CSMD1: variants seen among roughly 807,000 people sequenced by gnomAD.
CSMD1 encodes the protein CUB and Sushi multiple domains 1, also known as CUB and sushi domain-containing protein 1.
CSMD1 carries 213 observed loss-of-function variants against 417.5 expected under a neutral mutation model. The ratio of observed to expected loss-of-function variants is 0.51; its 90% CI spans 0.46 to 0.57. The LOEUF is 0.57. Ranked by LOEUF, CSMD1 falls within the 20% of genes least tolerant of loss-of-function variation. The probability of loss-of-function intolerance (pLI) is 0.00; values close to 1 mark genes in which losing one functional copy is unlikely to be tolerated. For synonymous variants in CSMD1, 2,862 were observed against 1,736.8 expected (o/e 1.65, Z -16.11); for missense variants, 6,923 against 4,529.7 (o/e 1.53, Z -15.17).
intron 10 of CSMD1, among the ~76,000 whole-genome samples, chr8:3,526,502 C>T (rs1038953038): frequency 2.0e-5 from 3 of 152,134 alleles, no homozygotes; most frequent in African/African-American, 7.2e-5. Flanking sequence ...GACCAAGCAT[C>T]CTACATAAAA....
intron 36 of CSMD1, among the ~76,000 whole-genome samples, chr8:3,182,224 CACTT>C (rs1821379040): frequency 1.3e-5 from 2 of 152,088 alleles, no homozygotes; most frequent in African/African-American, 4.8e-5. Context: ...CTTAGCTCAC[CACTT>C]AAACTATCCA....
chr8:4,879,454 T>G (rs550612624), intron 1 of CSMD1, among the ~76,000 whole-genome samples: 9 of 152,180 alleles, frequency 5.9e-5, no homozygotes, highest in South Asian at 2.1e-4. Context: ...ATCGGGAAGA[T>G]ATTTTAGGAG....
At chr8:4,929,516 T>C (rs186011968) in intron 1 of CSMD1, among the ~76,000 whole-genome samples, 32 of 152,278 alleles carry the variant, frequency 2.1e-4, no homozygotes, top group Middle Eastern at 3.4e-3. Flanking sequence ...ACTCCTGTCT[T>C]GATATTTCAG....
intron 2 of CSMD1, among the ~76,000 whole-genome samples, chr8:4,551,890 G>A (rs917844702): frequency 1.4e-5 from 2 of 144,854 alleles, no homozygotes; most frequent in African/African-American, 2.6e-5. Context: ...GTATCACCAT[G>A]TTGCTCAGGC....
chr8:4,586,981 C>G (rs146225311), intron 2 of CSMD1, among the ~76,000 whole-genome samples: 1 of 152,076 alleles, frequency 6.6e-6, no homozygotes, highest in African/African-American at 2.4e-5. Flanking sequence ...TATATAAGAG[C>G]GCCTAAAAAG....
chr8:4,730,359 T>C (rs890217853), intron 1 of CSMD1, among the ~76,000 whole-genome samples: 3 of 152,122 alleles, frequency 2.0e-5, no homozygotes, highest in South Asian at 2.1e-4. Context: ...CCTTGAAAGA[T>C]GAAAACATAT....
intron 1 of CSMD1, among the ~76,000 whole-genome samples, chr8:4,952,833 T>C (rs992432276): frequency 3.9e-5 from 6 of 152,168 alleles, no homozygotes; most frequent in Non-Finnish European, 5.9e-5. Flanking sequence ...TTTTAATAAC[T>C]CTGACTATAT....
intron 1 of CSMD1, among the ~76,000 whole-genome samples, chr8:4,992,476 T>A (rs1250275197): frequency 6.6e-6 from 1 of 151,920 alleles, no homozygotes; most frequent in Non-Finnish European, 1.5e-5. Flanking sequence ...AGGCTTGGAG[T>A]GCAGGGGAAA....
intron 6 of CSMD1, among the ~76,000 whole-genome samples, chr8:3,708,726 A>C (rs1450639375): frequency 6.6e-6 from 1 of 152,196 alleles, no homozygotes; most frequent in African/African-American, 2.4e-5. Flanking sequence ...AGCTAAAAAT[A>C]ATACGTGCTG....
At chr8:3,610,878 G>T (rs930984534) in intron 8 of CSMD1, among the ~76,000 whole-genome samples, 2 of 151,964 alleles carry the variant, frequency 1.3e-5, no homozygotes, top group Non-Finnish European at 2.9e-5. Flanking sequence ...TCACTGAGTT[G>T]CCTTTTCCAT....
At chr8:4,943,299 T>C (rs994380776) in intron 1 of CSMD1, among the ~76,000 whole-genome samples, 1 of 152,002 alleles carries the variant, frequency 6.6e-6, no homozygotes. Flanking sequence ...ATCAAGATCG[T>C]CCTGGCTGAC....
chr8:4,935,011 A>T (rs934592662), intron 1 of CSMD1, among the ~76,000 whole-genome samples: 1 of 152,222 alleles, frequency 6.6e-6, no homozygotes, highest in East Asian at 1.9e-4. Flanking sequence ...CTATCTATAC[A>T]TATCTATCTA....
chr8:4,782,230 A>C (rs1797187578), intron 1 of CSMD1, among the ~76,000 whole-genome samples: 1 of 152,204 alleles, frequency 6.6e-6, no homozygotes. Flanking sequence ...TGTATATCTC[A>C]AAATAGCTAG....
chr8:3,762,061 T>A (rs1798037414), intron 5 of CSMD1, among the ~76,000 whole-genome samples: 1 of 152,096 alleles, frequency 6.6e-6, no homozygotes, highest in Non-Finnish European at 1.5e-5. Context: ...ATTTTTTAAA[T>A]GAAAAAATAA....
intron 4 of CSMD1, among the ~76,000 whole-genome samples, chr8:4,030,969 G>A (rs975561136): frequency 6.6e-6 from 1 of 152,076 alleles, no homozygotes; most frequent in African/African-American, 2.4e-5. Context: ...AATCACCTTT[G>A]GTCCAGTTAT....
In CSMD1 at chr8:3,118,451, A is replaced by G. The variant is rs1816992594; in HGVS notation, c.6378T>C (p.Thr2126=). The change falls in exon 42 of 70, where the codon ACT becomes ACC. Residue 2126 remains threonine, a synonymous_variant. Coordinates refer to ENST00000635120, the MANE Select transcript of CSMD1 (RefSeq NM_033225.6). ...AGTTTCTGTTGATCCCATGCTGACA[A>G]GTGAGGACAGGATGGCCTATTAGAA... ...GYILIGHPVL[T]CQHGINRNWN... The G allele has an allele frequency of 1.2e-6, 2 of 1,613,742 alleles. No homozygotes were observed. The highest frequency in any genetic ancestry group is 1.3e-5 in the African/African-American group (1 of 74,906).
intron 10 of CSMD1, among the ~76,000 whole-genome samples, chr8:3,567,050 A>G (rs1486515014): frequency 1.3e-5 from 2 of 152,248 alleles, no homozygotes; most frequent in Non-Finnish European, 2.9e-5. Flanking sequence ...GGTAGACTGG[A>G]TAAAGAAAAT....
rs150325396 is a variant in CSMD1 at position 4,741,041 on chromosome 8, A to G, written c.86-103483T>C. Among the ~76,000 whole-genome samples the G allele has an allele frequency of 1.1e-3, 163 of 152,340 alleles. 1 individual carries two copies. Among genetic ancestry groups the G allele is most frequent in the African/African-American group, 3.8e-3 (157 of 41,568 alleles). ...AACCGAAAGTCCTAGTAATTGCTTT[A>G]ATCAATTTTCTTCTTAATCCTTATG... On this transcript the variant is annotated intron_variant, in intron 1 of 69. Transcript: ENST00000635120.
intron 5 of CSMD1, among the ~76,000 whole-genome samples, chr8:3,997,271 T>G (rs1249321103): frequency 6.6e-6 from 1 of 152,232 alleles, no homozygotes; most frequent in Non-Finnish European, 1.5e-5. Flanking sequence ...ATACTATTCT[T>G]GCAATCACGA....
Sources: allele counts gnomAD v4.1 joint callset (sites outside exome capture counted in the v4.1 genomes callset), GRCh38; gene constraint gnomAD v4.1.1; transcripts MANE v1.5; gene names NCBI Gene and HGNC (gene_info 2026-07-23, HGNC 2026-07-21).